The following ZFHX3 variants were observed in gnomAD, a reference collection of about 807,000 sequenced individuals.
The protein encoded by ZFHX3 is zinc finger homeobox protein 3.
In ZFHX3, 42 loss-of-function variants were observed where a neutral mutation model predicts 279.1. The ratio of observed to expected loss-of-function variants is 0.15; its 90% CI spans 0.12 to 0.19. ZFHX3 has a LOEUF of 0.19. Among genes scored for constraint, ZFHX3 ranks in the 10% least tolerant of loss-of-function variants. The pLI is 1.00. For synonymous variants in ZFHX3, 2,293 were observed against 1,957.8 expected (o/e 1.17, Z -4.52); for missense variants, 4,981 against 4,754.0 (o/e 1.05, Z -1.40).
At chr16:72,792,258 T>A (rs2035732953) in intron 9 of ZFHX3, among the ~76,000 whole-genome samples, 1 of 151,856 alleles carries the variant, frequency 6.6e-6, no homozygotes, top group African/African-American at 2.4e-5. Context: ...GAAAAGGAAA[T>A]GGGCAAAAGG....
At chr16:73,505,420 C>A (rs996440902) in intron 2 of ZFHX3, among the ~76,000 whole-genome samples, 1 of 152,092 alleles carries the variant, frequency 6.6e-6, no homozygotes, top group Non-Finnish European at 1.5e-5. Context: ...CCCCCTACCC[C>A]CTTCAATGAT....
chr16:73,006,159 T>C (rs955173423), intron 1 of ZFHX3: 6 of 152,208 alleles, frequency 3.9e-5, no homozygotes, highest in Non-Finnish European at 8.8e-5. Flanking sequence ...ATTAGCAAAT[T>C]AGTATATTCC....
intron 8 of ZFHX3, among the ~76,000 whole-genome samples, chr16:73,073,059 G>T (rs532453567): frequency 2.7e-5 from 4 of 150,760 alleles, no homozygotes; most frequent in African/African-American, 9.8e-5. Context: ...ACAATGCCCG[G>T]CTAATTTTTT....
At chr16:73,320,662 C>T (rs1261852272) in intron 3 of ZFHX3, among the ~76,000 whole-genome samples, 1 of 152,204 alleles carries the variant, frequency 6.6e-6, no homozygotes, top group Non-Finnish European at 1.5e-5. Flanking sequence ...CTGTGGCACA[C>T]ATGAGACAGC....
At chr16:73,073,229 G>A (rs949556566) in intron 8 of ZFHX3, among the ~76,000 whole-genome samples, 13 of 152,000 alleles carry the variant, frequency 8.6e-5, no homozygotes, top group Non-Finnish European at 1.8e-4. Flanking sequence ...CTAGTACTAT[G>A]CCCATTGAAA....
At chr16:73,001,116 T>C (rs79164903) in intron 1 of ZFHX3, among the ~76,000 whole-genome samples, 2,730 of 152,328 alleles carry the variant, frequency 0.018, 43 homozygotes, top group East Asian at 0.095. Context: ...ACTTCTGAGA[T>C]GAGGCTGCAA....
intron 2 of ZFHX3, among the ~76,000 whole-genome samples, chr16:73,545,096 T>C (rs2020086642): frequency 6.6e-6 from 1 of 152,112 alleles, no homozygotes; most frequent in Non-Finnish European, 1.5e-5. Flanking sequence ...GAATTTGCTC[T>C]GGTTCAGTCT....
chr16:72,873,899 T>A (rs2038229809), intron 4 of ZFHX3, among the ~76,000 whole-genome samples: 1 of 152,312 alleles, frequency 6.6e-6, no homozygotes, highest in Admixed American at 6.5e-5. Context: ...TAACACAGTT[T>A]ACTTAATCTT....
chr16:73,730,475 C>A (rs1473716716), intron 1 of ZFHX3, among the ~76,000 whole-genome samples: 1 of 151,626 alleles, frequency 6.6e-6, no homozygotes, highest in East Asian at 1.9e-4. Context: ...AAATCCAGTG[C>A]ATTGTACATA....
intron 1 of ZFHX3, among the ~76,000 whole-genome samples, chr16:73,774,449 G>A (rs959947935): frequency 6.6e-6 from 1 of 152,130 alleles, no homozygotes; most frequent in African/African-American, 2.4e-5. Context: ...CCAGAGTTGG[G>A]TGTCCCAGAG....
At chr16:73,184,868 T>C (rs1407186267) in intron 5 of ZFHX3, among the ~76,000 whole-genome samples, 5 of 152,252 alleles carry the variant, frequency 3.3e-5, no homozygotes, top group Non-Finnish European at 5.9e-5. Flanking sequence ...CAGGTTATCC[T>C]GAGAAACATT....
chr16:72,798,348 T>C lies in ZFHX3; in HGVS notation c.4334A>G (p.Lys1445Arg). The change falls in exon 9 of 10, where the codon AAG becomes AGG. Residue 1445 changes from lysine to arginine, a missense_variant. Physicochemically the swap from Lys to Arg is conservative, Grantham distance 26. Around this residue, in one of 7 missense-constraint regions of ZFHX3, gnomAD observed 1,751 missense variants for 1,770.0 expected, o/e 0.99. Transcript: ENST00000268489. Reference protein sequence around the residue: ...QRSFRTFQALKKHLETSHLEL... With the variant: ...QRSFRTFQALRKHLETSHLEL... Reference sequence around the variant, plus strand: ...CAGGTGGCTTGTCTCAAGGTGCTTCTTCAGAGCCTGGAAAGTTCGGAAACT... The same window carrying C: ...CAGGTGGCTTGTCTCAAGGTGCTTCCTCAGAGCCTGGAAAGTTCGGAAACT... 6.2e-7 allele frequency: 1 copy of C among 1,614,218 alleles called. No homozygotes were observed. Among genetic ancestry groups the C allele is most frequent in the South Asian group, 1.1e-5 (1 of 91,086 alleles).
At chr16:73,168,246 T>TCTTC (rs1414607292) in intron 5 of ZFHX3, among the ~76,000 whole-genome samples, 1 of 147,214 alleles carries the variant, frequency 6.8e-6, no homozygotes, top group Non-Finnish European at 1.5e-5. Flanking sequence ...TTTCTTTCTT[T>TCTTC]CTTTCTTTCT....
rs375063732 is a variant in ZFHX3 at position 72,976,561 on chromosome 16, C to A, written c.-49-16367G>T. On this transcript the variant is annotated intron_variant, in intron 1 of 9. Coordinates refer to ENST00000268489, the MANE Select transcript of ZFHX3 (RefSeq NM_006885.4). The stretch of plus-strand genomic sequence containing the variant: ...ACTCCTACGAGCTTGCTCTCAGTAG[C>A]GTCCAGGCAGGCAAAGGAAGGAACT... Among the ~76,000 whole-genome samples the A allele has an allele frequency of 3.3e-4, 50 of 152,352 alleles. No individual in the cohort carries two copies. The South Asian group carries it at 9.5e-3, about 29-fold the overall frequency.
intron 3 of ZFHX3, among the ~76,000 whole-genome samples, chr16:73,406,284 T>G (rs1285557789): frequency 6.6e-6 from 1 of 152,218 alleles, no homozygotes; most frequent in Middle Eastern, 3.2e-3. Flanking sequence ...GGTTTTCCTA[T>G]CCTTTGTAAA....
At chr16:73,432,829 C>T (rs979427884) in intron 3 of ZFHX3, among the ~76,000 whole-genome samples, 7 of 152,056 alleles carry the variant, frequency 4.6e-5, no homozygotes, top group Admixed American at 1.3e-4. Flanking sequence ...CACAAGGCTC[C>T]GGATAGATGG....
At position 73,807,239 on chromosome 16, in the gene ZFHX3, C is replaced by G. The variant is rs142568178; in HGVS notation, c.-1608+84412G>C. ...GAATACATCATTTTTCATTACTATA[C>G]AAGCCTGTTCTGCCCACGTGTGACA... On this transcript the variant is annotated intron_variant, in intron 1 of 17. Transcript: ENST00000641206. Among the ~76,000 whole-genome samples, 997 of 152,292 alleles carry G rather than the reference C, an allele frequency of 6.5e-3. 6 individuals are homozygous for G. The highest frequency in any genetic ancestry group is 0.023 in the African/African-American group (935 of 41,552).
chr16:73,472,057 A>G (rs1254512382), intron 2 of ZFHX3, among the ~76,000 whole-genome samples: 1 of 152,110 alleles, frequency 6.6e-6, no homozygotes, highest in East Asian at 1.9e-4. Context: ...CACCTGGAGA[A>G]GCCTATCATT....
rs564547699 is a variant in ZFHX3, at chr16:73,886,238, ATAAAT to A, written c.-1608+5408_-1608+5412del. Among the ~76,000 whole-genome samples, 445 of 152,294 alleles carry A rather than the reference ATAAAT, an allele frequency of 2.9e-3. 1 individual carries two copies. Among genetic ancestry groups the A allele is most frequent in the Non-Finnish European group, 3.1e-3 (213 of 68,024 alleles). On this transcript the variant is annotated intron_variant, in intron 1 of 17. Transcript: ENST00000641206. ...AAAATGCATTTCTAAAGCATTTACTATAAATTAAATATTTAAAAATAAACCAGAAT... is the reference window on the plus strand; with the variant it reads ...AAAATGCATTTCTAAAGCATTTACTATAAATATTTAAAAATAAACCAGAAT...
Sources: gnomAD v4.1 joint callset for allele counts (sites outside exome capture counted in the v4.1 genomes callset) on GRCh38, gnomAD v4.1.1 for gene constraint, gnomAD v4.1.1 regional missense constraint, MANE v1.5 for transcripts, NCBI Gene and HGNC (gene_info 2026-07-23, HGNC 2026-07-21) for gene names.